KCNN2: variants seen among roughly 807,000 people sequenced by gnomAD.
KCNN2 encodes the protein small conductance calcium-activated potassium channel protein 2.
In KCNN2, 24 loss-of-function variants were observed where a neutral mutation model predicts 55.5. That is an observed-to-expected ratio of 0.43 (90% CI 0.31 to 0.61). The LOEUF (loss-of-function observed/expected upper bound fraction) is 0.61. KCNN2 is among the 20% of genes least tolerant of loss of function. The probability of loss-of-function intolerance (pLI) is 0.08; values close to 1 mark genes in which losing one functional copy is unlikely to be tolerated. For synonymous variants in KCNN2, 431 were observed against 336.1 expected (o/e 1.28, Z -3.09); for missense variants, 754 against 853.6 (o/e 0.88, Z 1.45).
At chr5:114,145,844 G>A (rs1752388195) in intron 1 of KCNN2, among the ~76,000 whole-genome samples, 1 of 152,282 alleles carries the variant, frequency 6.6e-6, no homozygotes, top group South Asian at 2.1e-4. Context: ...GCCGGACCTG[G>A]ACCGCTGGAG....
intron 1 of KCNN2, among the ~76,000 whole-genome samples, chr5:114,147,438 C>G (rs1303165229): frequency 6.6e-6 from 1 of 152,056 alleles, no homozygotes; most frequent in East Asian, 1.9e-4. Flanking sequence ...ACCATTTGAT[C>G]AAGATATATT....
chr5:114,370,447 A>G (rs1757727379), intron 2 of KCNN2, among the ~76,000 whole-genome samples: 1 of 152,190 alleles, frequency 6.6e-6, no homozygotes, highest in Admixed American at 6.5e-5. Flanking sequence ...AAAGAGAGAC[A>G]AAAAATTAAT....
intron 2 of KCNN2, among the ~76,000 whole-genome samples, chr5:114,235,827 T>G (rs769310851): frequency 2.0e-5 from 3 of 152,230 alleles, no homozygotes; most frequent in Non-Finnish European, 4.4e-5. Context: ...GACCCTGTAC[T>G]AATACTTTGA....
intron 2 of KCNN2, among the ~76,000 whole-genome samples, chr5:114,241,759 TATAC>T (rs1561537065): frequency 0.016 from 372 of 22,742 alleles, 75 homozygotes; most frequent in African/African-American, 0.044. Flanking sequence ...TATGTATATA[TATAC>T]GTATATATAT....
chr5:114,474,890 CAG>C (rs1761900232), intron 5 of KCNN2, among the ~76,000 whole-genome samples: 1 of 148,634 alleles, frequency 6.7e-6, no homozygotes, highest in African/African-American at 2.5e-5. Flanking sequence ...TAAATCTTAA[CAG>C]AAAAAAAAAA....
chr5:114,387,342 CA>C (rs537116011), intron 2 of KCNN2, among the ~76,000 whole-genome samples: 55 of 152,196 alleles, frequency 3.6e-4, no homozygotes, highest in African/African-American at 1.3e-3. Flanking sequence ...ATTAATGTAA[CA>C]ACATATGGCA....
chr5:114,320,846 T>A (rs1434923589), intron 2 of KCNN2, among the ~76,000 whole-genome samples: 1 of 152,214 alleles, frequency 6.6e-6, no homozygotes, highest in African/African-American at 2.4e-5. Flanking sequence ...GCTATCTTTT[T>A]CAGTTCTTTT....
chr5:114,157,555 G>T (rs1752662907), intron 1 of KCNN2, among the ~76,000 whole-genome samples: 1 of 152,122 alleles, frequency 6.6e-6, no homozygotes, highest in African/African-American at 2.4e-5. Flanking sequence ...GGTATTTCGA[G>T]TTCTAGATCC....
chr5:114,432,272 T>G (rs1759820915), intron 3 of KCNN2, among the ~76,000 whole-genome samples: 1 of 152,264 alleles, frequency 6.6e-6, no homozygotes, highest in Admixed American at 6.5e-5. Context: ...CCACACCCAA[T>G]AAGGATTGTT....
chr5:114,313,999 C>A (rs1439244211), intron 2 of KCNN2, among the ~76,000 whole-genome samples: 1 of 151,974 alleles, frequency 6.6e-6, no homozygotes, highest in African/African-American at 2.4e-5. Context: ...ATGAACGTTT[C>A]TTTTTCGGTT....
chr5:114,097,684 C>T (rs1751287813), intron 1 of KCNN2, among the ~76,000 whole-genome samples: 1 of 152,172 alleles, frequency 6.6e-6, no homozygotes, highest in Non-Finnish European at 1.5e-5. Context: ...TAAAGTTCCC[C>T]ATCCACTTAA....
chr5:114,123,351 ATTTTTTTTTT>A (rs1172994171), intron 1 of KCNN2, among the ~76,000 whole-genome samples: 3,011 of 65,082 alleles, frequency 0.046, 553 homozygotes, highest in African/African-American at 0.21. Context: ...CATTTTCTTA[ATTTTTTTTTT>A]TTTTTTTTTT....
intron 1 of KCNN2, among the ~76,000 whole-genome samples, chr5:114,093,616 C>G (rs1261110213): frequency 6.6e-6 from 1 of 152,164 alleles, no homozygotes; most frequent in Non-Finnish European, 1.5e-5. Context: ...GGGGAAGTCT[C>G]AGGAAACTTA....
chr5:114,464,350 G>C (rs944442178), intron 4 of KCNN2, among the ~76,000 whole-genome samples: 1 of 152,200 alleles, frequency 6.6e-6, no homozygotes, highest in Non-Finnish European at 1.5e-5. Flanking sequence ...CTTGATCCTT[G>C]TGTGGTTTCT....
intron 1 of KCNN2, among the ~76,000 whole-genome samples, chr5:114,156,968 T>C (rs1181895812): frequency 6.6e-6 from 1 of 151,968 alleles, no homozygotes; most frequent in Admixed American, 6.6e-5. Context: ...CTCTAAGGAT[T>C]TTACTGGAAA....
At chr5:114,477,462 T>C (rs1762022972) in intron 5 of KCNN2, among the ~76,000 whole-genome samples, 1 of 152,100 alleles carries the variant, frequency 6.6e-6, no homozygotes. Context: ...GAGAAGATTG[T>C]TTTGTCTAAT....
chr5:114,393,544 T>G (rs1758518944), intron 2 of KCNN2, among the ~76,000 whole-genome samples: 1 of 152,072 alleles, frequency 6.6e-6, no homozygotes, highest in Non-Finnish European at 1.5e-5. Context: ...GCTTTTATTA[T>G]TAACTAACTT....
chr5:114,062,330 A>G (rs1039026465), intron 1 of KCNN2, among the ~76,000 whole-genome samples: 4 of 152,222 alleles, frequency 2.6e-5, no homozygotes, highest in Non-Finnish European at 5.9e-5. Context: ...GTGCAGCAAG[A>G]GGATGATTTT....
intron 3 of KCNN2, among the ~76,000 whole-genome samples, chr5:114,419,343 C>A (rs905359428): frequency 1.3e-5 from 2 of 152,168 alleles, no homozygotes; most frequent in African/African-American, 4.8e-5. Flanking sequence ...ATATTTATTA[C>A]CTAGCCTTAT....
Sources: gnomAD v4.1 joint callset for allele counts (sites outside exome capture counted in the v4.1 genomes callset) on GRCh38, gnomAD v4.1.1 for gene constraint, MANE v1.5 for transcripts, NCBI Gene and HGNC (gene_info 2026-07-23, HGNC 2026-07-21) for gene names.